Variants in LRRC4C observed in about 807,000 individuals in gnomAD.
The protein encoded by LRRC4C is leucine-rich repeat-containing protein 4C.
LRRC4C carries 5 observed loss-of-function variants against 33.6 expected under a neutral mutation model. The ratio of observed to expected loss-of-function variants is 0.15; its 90% CI spans 0.08 to 0.31. LRRC4C has a LOEUF of 0.31. Ranked by LOEUF, LRRC4C falls within the 10% of genes least tolerant of loss-of-function variation. The pLI is 1.00. For synonymous variants in LRRC4C, 329 were observed against 302.0 expected (o/e 1.09, Z -0.93); for missense variants, 560 against 796.7 (o/e 0.70, Z 3.58).
chr11:40,849,795 T>G (rs1953387927), intron 2 of LRRC4C, among the ~76,000 whole-genome samples: 1 of 152,016 alleles, frequency 6.6e-6, no homozygotes, highest in Non-Finnish European at 1.5e-5. Context: ...GGTTTGATCA[T>G]TTTACATAAT....
At chr11:40,667,339 G>C (rs1943863217) in intron 2 of LRRC4C, among the ~76,000 whole-genome samples, 1 of 151,950 alleles carries the variant, frequency 6.6e-6, no homozygotes, top group African/African-American at 2.4e-5. Context: ...TTTCTCTTTT[G>C]AAAGACCACC....
intron 1 of LRRC4C, among the ~76,000 whole-genome samples, chr11:41,269,736 A>G (rs1417625535): frequency 2.6e-5 from 4 of 152,126 alleles, no homozygotes; most frequent in African/African-American, 7.2e-5. Context: ...ACCCTCCTTT[A>G]TAATAATTTT....
rs541100529 is a variant in LRRC4C, at chr11:40,617,415, AC to A, written c.-270+30726del. ...CTCTATTTTCCTAGTCAAGGAACTT[AC>A]CATCAAATCAACATTGCTTCTAGCT... On this transcript the variant is annotated intron_variant, in intron 3 of 6. Coordinates refer to ENST00000528697, the MANE Select transcript of LRRC4C (RefSeq NM_001258419.2). Among the ~76,000 whole-genome samples, 5 of 151,844 alleles carry A rather than the reference AC, an allele frequency of 3.3e-5. No homozygotes were observed. In the South Asian group the frequency reaches 1.0e-3, roughly 31 times the overall value.
At chr11:40,142,277 CAAAAAAAAAAAAAAAAAA>C (rs10577509) in intron 5 of LRRC4C, among the ~76,000 whole-genome samples, 1 of 60,778 alleles carries the variant, frequency 1.6e-5, no homozygotes. Flanking sequence ...GATTCTGTCT[CAAAAAAAAAAAAAAAAAA>C]AAAAAAAAAC....
intron 1 of LRRC4C, among the ~76,000 whole-genome samples, chr11:41,248,359 T>G (rs543304695): frequency 1.3e-5 from 2 of 152,276 alleles, no homozygotes; most frequent in African/African-American, 4.8e-5. Context: ...TACAAAGGAT[T>G]CTTGATGAAT....
At chr11:41,118,590 T>C (rs1052020444) in intron 1 of LRRC4C, among the ~76,000 whole-genome samples, 7 of 152,228 alleles carry the variant, frequency 4.6e-5, no homozygotes, top group African/African-American at 1.7e-4. Flanking sequence ...AATTCATTCG[T>C]TTCTCAATTG....
intron 1 of LRRC4C, among the ~76,000 whole-genome samples, chr11:41,350,682 A>G (rs1328371433): frequency 3.3e-5 from 5 of 152,184 alleles, no homozygotes; most frequent in African/African-American, 9.7e-5. Context: ...CTGAATGGCA[A>G]TGAAGATCAT....
At chr11:40,308,145 C>A (rs961919290) in intron 4 of LRRC4C, among the ~76,000 whole-genome samples, 1 of 152,096 alleles carries the variant, frequency 6.6e-6, no homozygotes, top group Non-Finnish European at 1.5e-5. Flanking sequence ...GATACTGAAC[C>A]TTTTTTCCCC....
rs536286432 is a variant in LRRC4C at position 40,475,898 on chromosome 11, T to A, written c.-269-156177A>T. On this transcript the variant is annotated intron_variant, in intron 3 of 6. Coordinates refer to ENST00000528697, the MANE Select transcript of LRRC4C (RefSeq NM_001258419.2). ...TTACTCTACCTTTGCTACTTACCAG[T>A]GTGCCTACACCCAGAGTTTCTCACC... 3.3e-5 allele frequency among the ~76,000 whole-genome samples: 5 copies of A among 152,298 alleles called. No individual in the cohort carries two copies. In the South Asian group the frequency reaches 1.0e-3, roughly 32 times the overall value.
chr11:40,376,899 A>G (rs1294247726), intron 3 of LRRC4C, among the ~76,000 whole-genome samples: 1 of 152,174 alleles, frequency 6.6e-6, no homozygotes, highest in African/African-American at 2.4e-5. Flanking sequence ...ATATACATAC[A>G]AATATTGAGC....
intron 1 of LRRC4C, among the ~76,000 whole-genome samples, chr11:41,012,056 T>TA: frequency 6.6e-6 from 1 of 151,904 alleles, no homozygotes; most frequent in Non-Finnish European, 1.5e-5. Flanking sequence ...TCCATCATCA[T>TA]AAATATTCAT....
intron 2 of LRRC4C, among the ~76,000 whole-genome samples, chr11:40,663,370 C>T (rs1425663020): frequency 3.3e-5 from 5 of 152,144 alleles, no homozygotes; most frequent in East Asian, 1.9e-4. Flanking sequence ...CGTGAGCCAC[C>T]GCACCCAGCC....
chr11:40,479,630 A>G (rs903592970), intron 3 of LRRC4C, among the ~76,000 whole-genome samples: 1 of 152,208 alleles, frequency 6.6e-6, no homozygotes, highest in Non-Finnish European at 1.5e-5. Context: ...TGCTTTAAAC[A>G]TAGTGCCAAG....
At chr11:41,009,204 T>C (rs1854990873) in intron 1 of LRRC4C, among the ~76,000 whole-genome samples, 1 of 151,954 alleles carries the variant, frequency 6.6e-6, no homozygotes, top group African/African-American at 2.4e-5. Context: ...GACATTGTTT[T>C]GAATATATTT....
rs867600158 is a variant in LRRC4C, at chr11:41,281,108, A to T, written c.-496+178323T>A. 8.6e-3 allele frequency among the ~76,000 whole-genome samples: 1,014 copies of T among 117,448 alleles called. 11 individuals are homozygous for T. Among genetic ancestry groups the T allele is most frequent in the African/African-American group, 0.034 (908 of 26,926 alleles). The allele number at this position is 117,448 out of a possible 152,430, so 77.1% of individuals were successfully genotyped here. Reference sequence around the variant, plus strand: ...CTCTCTCTCTCTCTCTCTCTCTCACACACACACACACACACACACACACAC... The same window carrying T: ...CTCTCTCTCTCTCTCTCTCTCTCACTCACACACACACACACACACACACAC... On this transcript the variant is annotated intron_variant, in intron 1 of 6. Transcript: ENST00000528697.
chr11:40,755,320 G>C (rs1948894398), intron 2 of LRRC4C, among the ~76,000 whole-genome samples: 1 of 152,138 alleles, frequency 6.6e-6, no homozygotes, highest in African/African-American at 2.4e-5. Context: ...GAGAGTACTA[G>C]AGAGACAGTA....
intron 1 of LRRC4C, among the ~76,000 whole-genome samples, chr11:41,144,674 G>A (rs1173414279): frequency 3.9e-5 from 6 of 151,900 alleles, no homozygotes; most frequent in East Asian, 1.9e-4. Flanking sequence ...ATTTATTCCC[G>A]TAATGCCACT....
chr11:40,791,925 T>TA (rs34499095), intron 2 of LRRC4C, among the ~76,000 whole-genome samples: 1 of 152,046 alleles, frequency 6.6e-6, no homozygotes, highest in South Asian at 2.1e-4. Flanking sequence ...TTTTATCTGG[T>TA]AAAAAAGGCT....
chr11:40,920,779 C>T (rs1957139410), intron 2 of LRRC4C, among the ~76,000 whole-genome samples: 1 of 152,106 alleles, frequency 6.6e-6, no homozygotes, highest in Non-Finnish European at 1.5e-5. Flanking sequence ...ATTTTGGAAC[C>T]TGTGAGCATG....
Sources: gnomAD v4.1 joint callset for allele counts (sites outside exome capture counted in the v4.1 genomes callset) on GRCh38, gnomAD v4.1.1 for gene constraint, MANE v1.5 for transcripts, NCBI Gene and HGNC (gene_info 2026-07-23, HGNC 2026-07-21) for gene names.